RAD51B: variants seen among roughly 807,000 people sequenced by gnomAD.
The protein encoded by RAD51B is DNA repair protein RAD51 homolog 2.
Under a neutral mutation model 42.2 loss-of-function variants are expected in RAD51B, and 38 were observed. The observed-to-expected ratio is 0.90, with a 90% CI of 0.70 to 1.18. The LOEUF (loss-of-function observed/expected upper bound fraction) is 1.18, where lower values mean the gene tolerates loss of function less well. RAD51B is among the 50% of genes most tolerant of loss of function. The probability of loss-of-function intolerance (pLI) is 0.00; values close to 1 mark genes in which losing one functional copy is unlikely to be tolerated. For missense variants in RAD51B, 373 were observed against 400.7 expected, an observed-to-expected ratio of 0.93 and a Z score of 0.59; for synonymous variants, 154 against 145.2, an observed-to-expected ratio of 1.06 and a Z score of -0.43.
chr14:68,377,340 C>T (rs1346787648), intron 8 of RAD51B, among the ~76,000 whole-genome samples: 1 of 152,136 alleles, frequency 6.6e-6, no homozygotes, highest in Non-Finnish European at 1.5e-5. Flanking sequence ...ATTAAATTGG[C>T]CACCCTGAAT....
chr14:68,509,840 C>G (rs368732063), intron 10 of RAD51B, among the ~76,000 whole-genome samples: 1 of 152,222 alleles, frequency 6.6e-6, no homozygotes, highest in South Asian at 2.1e-4. Context: ...TTATTTACAT[C>G]GGGCTGCAGG....
intron 10 of RAD51B, among the ~76,000 whole-genome samples, chr14:68,579,681 G>A (rs985091093): frequency 5.9e-5 from 9 of 152,258 alleles, no homozygotes; most frequent in Non-Finnish European, 7.3e-5. Context: ...TAAACACACC[G>A]GCAGCTCCCA....
chr14:68,501,810 G>T (rs1048020569), intron 10 of RAD51B, among the ~76,000 whole-genome samples: 3 of 152,282 alleles, frequency 2.0e-5, no homozygotes, highest in Non-Finnish European at 4.4e-5. Context: ...TGCAGCCCAG[G>T]TTCAGGCACA....
At chr14:68,398,140 C>T (rs1449774006) in intron 8 of RAD51B, among the ~76,000 whole-genome samples, 3 of 152,242 alleles carry the variant, frequency 2.0e-5, no homozygotes, top group Admixed American at 1.3e-4. Context: ...GCAGCTGGGA[C>T]AGCTAAAGCT....
At chr14:68,186,055 G>A (rs961823592) in intron 7 of RAD51B, among the ~76,000 whole-genome samples, 12 of 152,144 alleles carry the variant, frequency 7.9e-5, no homozygotes, top group African/African-American at 2.9e-4. Flanking sequence ...CTGAAATAAA[G>A]CCACACACCT....
chr14:67,888,333 C>T (rs2043121958), intron 7 of RAD51B, among the ~76,000 whole-genome samples: 1 of 152,166 alleles, frequency 6.6e-6, no homozygotes, highest in South Asian at 2.1e-4. Context: ...CTTTGAAATA[C>T]TGTATAAAGA....
intron 10 of RAD51B, among the ~76,000 whole-genome samples, chr14:68,637,947 T>C (rs143481329): frequency 6.6e-6 from 1 of 152,246 alleles, no homozygotes; most frequent in Non-Finnish European, 1.5e-5. Context: ...TTCTCTTTGC[T>C]TCTTACCATA....
chr14:68,560,348 C>A (rs879425642), intron 10 of RAD51B, among the ~76,000 whole-genome samples: 36 of 152,134 alleles, frequency 2.4e-4, no homozygotes, highest in African/African-American at 3.1e-4. Context: ...CCAAAAGGTT[C>A]ATCTCATATT....
At chr14:68,669,757 C>T (rs1893114449) in intron 11 of RAD51B, among the ~76,000 whole-genome samples, 1 of 152,142 alleles carries the variant, frequency 6.6e-6, no homozygotes, top group Non-Finnish European at 1.5e-5. Context: ...TGTGAAATTT[C>T]ACATGGCCCC....
At chr14:68,658,985 C>T (rs1248267361) in intron 11 of RAD51B, among the ~76,000 whole-genome samples, 2 of 152,236 alleles carry the variant, frequency 1.3e-5, no homozygotes, top group African/African-American at 4.8e-5. Flanking sequence ...GAGAGAGGGG[C>T]GGGAGGGAGG....
At chr14:68,313,480 C>T (rs912195117) in intron 8 of RAD51B, among the ~76,000 whole-genome samples, 1 of 152,200 alleles carries the variant, frequency 6.6e-6, no homozygotes. Context: ...CGCCCAACTC[C>T]CACCAGCTGA....
intron 7 of RAD51B, among the ~76,000 whole-genome samples, chr14:67,890,470 T>C (rs1174419913): frequency 6.6e-6 from 1 of 151,758 alleles, no homozygotes; most frequent in Admixed American, 6.6e-5. Flanking sequence ...TATTTATTAT[T>C]ATTATTATAC....
At chr14:68,422,420 G>C (rs2084726969) in intron 9 of RAD51B, among the ~76,000 whole-genome samples, 1 of 152,088 alleles carries the variant, frequency 6.6e-6, no homozygotes, top group Non-Finnish European at 1.5e-5. Flanking sequence ...AATTAGCCAA[G>C]TATGGTGGCA....
intron 9 of RAD51B, among the ~76,000 whole-genome samples, chr14:68,415,382 G>T (rs2084530737): frequency 6.6e-6 from 1 of 152,138 alleles, no homozygotes; most frequent in African/African-American, 2.4e-5. Context: ...AAGAGCAGAG[G>T]GTTTGGGCAC....
At chr14:68,147,573 A>G (rs2078278370) in intron 7 of RAD51B, among the ~76,000 whole-genome samples, 1 of 152,174 alleles carries the variant, frequency 6.6e-6, no homozygotes, top group East Asian at 1.9e-4. Flanking sequence ...TGTATTATTT[A>G]TCCCTTGTAA....
chr14:68,456,717 A>G (rs2085695789), intron 9 of RAD51B, among the ~76,000 whole-genome samples: 3 of 151,952 alleles, frequency 2.0e-5, no homozygotes, highest in African/African-American at 4.8e-5. Flanking sequence ...CTCAAACAAT[A>G]CTCTATGCCA....
chr14:68,111,546 A>G (rs1238590873), intron 7 of RAD51B, among the ~76,000 whole-genome samples: 2 of 152,048 alleles, frequency 1.3e-5, no homozygotes, highest in Non-Finnish European at 1.5e-5. Flanking sequence ...TCTTTCACAT[A>G]TTGAATGTGT....
At chr14:68,506,934 C>T (rs1031259088) in intron 10 of RAD51B, among the ~76,000 whole-genome samples, 12 of 152,302 alleles carry the variant, frequency 7.9e-5, no homozygotes, top group Middle Eastern at 3.4e-3. Context: ...ACTCCCCATA[C>T]CACAGGTGGG....
chr14:68,359,612 G>A (rs913751776), intron 8 of RAD51B, among the ~76,000 whole-genome samples: 4 of 152,148 alleles, frequency 2.6e-5, no homozygotes, highest in African/African-American at 4.8e-5. Flanking sequence ...TCCTATGGCC[G>A]TTACCTCTCT....
Sources: allele counts gnomAD v4.1 joint callset (sites outside exome capture counted in the v4.1 genomes callset), GRCh38; gene constraint gnomAD v4.1.1; transcripts MANE v1.5; gene names NCBI Gene and HGNC (gene_info 2026-07-23, HGNC 2026-07-21).